Variants in ZNF454 observed in about 807,000 individuals in gnomAD.
ZNF454 encodes the protein zinc finger protein 454.
ZNF454 carries 30 observed loss-of-function variants against 48.2 expected under a neutral mutation model. That is an observed-to-expected ratio of 0.62 (90% CI 0.47 to 0.84). ZNF454 has a LOEUF of 0.84. ZNF454 is among the 40% of genes least tolerant of loss of function. The probability of loss-of-function intolerance (pLI) is 0.00; values close to 1 mark genes in which losing one functional copy is unlikely to be tolerated. For missense variants in ZNF454, 510 were observed against 623.1 expected, an observed-to-expected ratio of 0.82 and a Z score of 1.93; for synonymous variants, 204 against 211.4, an observed-to-expected ratio of 0.97 and a Z score of 0.30.
chr5:178,970,499 C>T (rs1581886320), downstream of ZNF454, among the ~76,000 whole-genome samples: 1 of 152,300 alleles, frequency 6.6e-6, no homozygotes, highest in Non-Finnish European at 1.5e-5. Context: ...GGTACTCACA[C>T]TCCCTGTGTT....
At chr5:178,947,712 A>G (rs34870025) in intron 4 of ZNF454, among the ~76,000 whole-genome samples, 14,355 of 152,058 alleles carry the variant, frequency 0.094, 717 homozygotes, top group South Asian at 0.14. Context: ...CCAGTATTCG[A>G]GAGAGCTTGG....
chr5:178,952,913 C>A (rs1381813917), intron 4 of ZNF454, among the ~76,000 whole-genome samples: 1 of 151,632 alleles, frequency 6.6e-6, no homozygotes, highest in Non-Finnish European at 1.5e-5. Context: ...TTTTTTCCCC[C>A]TTTTCTTTAT....
the ZNF454 span, chr5:178,980,793 C>T: frequency 6.6e-6 from 1 of 152,284 alleles, no homozygotes; most frequent in Admixed American, 6.5e-5. This position sits in a 1 kb window ranked among gnomAD's most constrained non-coding sequence, Gnocchi z 4.3. Context: ...ACCATCACAC[C>T]TGGCTAATTT....
the ZNF454 span, chr5:178,977,556 T>TTTCAAA: frequency 2.8e-5 from 6 of 215,512 alleles, no homozygotes; most frequent in Middle Eastern, 4.8e-4. Context: ...GGCTTAAAAT[T>TTTCAAA]TTCAAATTCA....
downstream of ZNF454, among the ~76,000 whole-genome samples, chr5:178,971,197 C>G (rs1209303175): frequency 1.3e-5 from 2 of 152,118 alleles, no homozygotes; most frequent in Non-Finnish European, 2.9e-5. Context: ...TTCCTAGAGA[C>G]AGGAGGCAGG....
In ZNF454 at chr5:178,946,997, T is replaced by A; in HGVS notation, c.250+11T>A. On this transcript the variant is annotated intron_variant, in intron 4 of 4. Transcript: ENST00000519564. The surrounding 1 kb of genome is among the most constrained non-coding windows in gnomAD (Gnocchi z 4.5). The stretch of plus-strand genomic sequence containing the variant: ...GAGGCTTCTGTCTTGGTAAGAATCA[T>A]GTGTGTGGGAGACACCGGGAGGAGC... 6.2e-7 allele frequency: 1 copy of A among 1,611,650 alleles called. No homozygotes were observed. Among genetic ancestry groups the A allele is most frequent in the Non-Finnish European group, 8.5e-7 (1 of 1,178,548 alleles).
At chr5:178,989,440 A>C in the ZNF454 span, 6 of 1,613,252 alleles carry the variant, frequency 3.7e-6, no homozygotes, top group South Asian at 6.6e-5. Context: ...GGTGGCGCTG[A>C]CCTGAGCCAG....
the ZNF454 span, chr5:178,986,473 A>G: frequency 6.2e-7 from 1 of 1,612,334 alleles, no homozygotes; most frequent in South Asian, 1.1e-5. Context: ...GATGCCCAGC[A>G]CGGCCAGGAG....
chr5:178,973,495 T>C, the ZNF454 span, among the ~76,000 whole-genome samples: 3 of 152,140 alleles, frequency 2.0e-5, no homozygotes, highest in East Asian at 5.8e-4. Context: ...GTAATACACC[T>C]AGTGGCAAAT....
chr5:178,970,074 C>A (rs1760216845), downstream of ZNF454, among the ~76,000 whole-genome samples: 1 of 152,228 alleles, frequency 6.6e-6, no homozygotes, highest in Admixed American at 6.5e-5. Flanking sequence ...GTCCCTGCAG[C>A]AGACTCAGGC....
the ZNF454 span, among the ~76,000 whole-genome samples, chr5:178,977,668 C>T: frequency 4.6e-5 from 7 of 152,002 alleles, no homozygotes; most frequent in South Asian, 1.5e-3. Flanking sequence ...CTCCCGGGTT[C>T]AAGCGATTCT....
Position 178,965,291 on chromosome 5 carries a change from G to A in ZNF454, c.887G>A (p.Gly296Glu). Reference sequence around the variant, plus strand: ...GCCCATCATCATAGAATACATACTGGAGAGAAACCTTTTAAATGTAACATT... The same window carrying A: ...GCCCATCATCATAGAATACATACTGAAGAGAAACCTTTTAAATGTAACATT... ...HLAHHHRIHT[G>E]EKPFKCNICE... The change falls in exon 5 of 5, where the codon GGA becomes GAA. Residue 296 changes from glycine (G) to glutamate (E), a missense_variant. Transcript: ENST00000519564. This position sits in a 1 kb window ranked among gnomAD's most constrained non-coding sequence, Gnocchi z 5.2. 6.2e-7 allele frequency: 1 copy of A among 1,614,198 alleles called. No homozygotes were observed.
the ZNF454 span, chr5:178,983,360 C>T: frequency 1.3e-6 from 1 of 771,146 alleles, no homozygotes; most frequent in Non-Finnish European, 2.2e-6. Flanking sequence ...CGTGGTGGCT[C>T]TCAGGAGCAC....
chr5:178,941,465 C>CAG lies in ZNF454; in HGVS notation c.-108+26_-108+27dup, dbSNP rs1561691068. ...GGAATGTATGTCTGAGATTTGATCC[C>CAG]AGAGAGGGAGGACGGCCAGGGGTGG... On this transcript the variant is annotated intron_variant, in intron 1 of 4. Coordinates refer to ENST00000519564, the MANE Select transcript of ZNF454 (RefSeq NM_001178089.3). This position sits in a 1 kb window ranked among gnomAD's most constrained non-coding sequence, Gnocchi z 5.5. 1 of 378,110 alleles carries CAG rather than the reference C, an allele frequency of 2.6e-6. No individual in the cohort carries two copies. The highest frequency in any genetic ancestry group is 2.9e-5 in the African/African-American group (1 of 34,780). 23.4% of individuals were successfully genotyped at this position (378,110 alleles called of 1,614,324 possible). A position where few individuals can be genotyped will look rare whatever the true frequency, so the allele number is the denominator to read the frequency against.
Position 178,941,345 on chromosome 5 carries a change from G to A in ZNF454, c.-207G>A. Reference sequence around the variant, plus strand: ...CCGCAGAGGGAGAGCGGGAGCGGTCGTGAGGTCGTCTGGGGAGAAGGGCGG... The same window carrying A: ...CCGCAGAGGGAGAGCGGGAGCGGTCATGAGGTCGTCTGGGGAGAAGGGCGG... On this transcript the variant is annotated 5_prime_UTR_variant, in exon 1 of 5. It adds an upstream start codon to the 5' untranslated region. Coordinates refer to ENST00000519564, the MANE Select transcript of ZNF454 (RefSeq NM_001178089.3). The surrounding 1 kb of genome is among the most constrained non-coding windows in gnomAD (Gnocchi z 5.5). 2.2e-6 allele frequency: 1 copy of A among 452,616 alleles called. No homozygotes were observed. Among genetic ancestry groups the A allele is most frequent in the South Asian group, 1.6e-5 (1 of 63,948 alleles). 28.0% of individuals were successfully genotyped at this position (452,616 alleles called of 1,614,324 possible).
intron 4 of ZNF454, among the ~76,000 whole-genome samples, chr5:178,953,508 C>A (rs898344708): frequency 6.6e-6 from 1 of 152,282 alleles, no homozygotes; most frequent in African/African-American, 2.4e-5. Context: ...GAATCCCCTT[C>A]TATCCTTGGC....
the ZNF454 span, chr5:178,983,502 A>G: frequency 3.1e-6 from 2 of 638,294 alleles, no homozygotes; most frequent in African/African-American, 3.6e-5. Context: ...TGCAGTGTGC[A>G]TAAGGGGCAG....
At chr5:178,986,257 G>C in the ZNF454 span, 1 of 1,614,184 alleles carries the variant, frequency 6.2e-7, no homozygotes, top group Non-Finnish European at 8.5e-7. Context: ...GAGCAGGGCA[G>C]AGTAGCTGAG....
At chr5:178,963,084 GA>G (rs1197736980) in intron 4 of ZNF454, among the ~76,000 whole-genome samples, 2 of 151,804 alleles carry the variant, frequency 1.3e-5, no homozygotes, top group African/African-American at 4.8e-5. Flanking sequence ...TAAAGCTTAA[GA>G]ATTCAATAAA....
Sources: gnomAD v4.1 joint callset for allele counts (sites outside exome capture counted in the v4.1 genomes callset) on GRCh38, gnomAD v4.1.1 for gene constraint, Gnocchi (gnomAD v3.1) non-coding constraint, MANE v1.5 for transcripts, NCBI Gene and HGNC (gene_info 2026-07-23, HGNC 2026-07-21) for gene names.